The following LRP2 variants were observed in gnomAD, a reference collection of about 807,000 sequenced individuals.
LRP2 encodes LDL receptor related protein 2.
A neutral mutation model predicts 531.0 loss-of-function variants in LRP2; 172 were observed. The observed-to-expected ratio is 0.32, with a 90% CI of 0.29 to 0.37. The LOEUF (loss-of-function observed/expected upper bound fraction) is 0.37. Ranked by LOEUF, LRP2 falls within the 10% of genes least tolerant of loss-of-function variation. The pLI is 1.00. For synonymous variants in LRP2, 1,992 were observed against 2,027.6 expected (o/e 0.98, Z 0.47); for missense variants, 5,167 against 5,868.3 (o/e 0.88, Z 3.90).
intron 76 of LRP2, among the ~76,000 whole-genome samples, chr2:169,135,440 T>C (rs971494836): frequency 6.6e-5 from 10 of 152,222 alleles, no homozygotes; most frequent in African/African-American, 2.4e-4. Context: ...TCTTCCCTTC[T>C]GTCAGACATA....
rs367961184 is a variant in LRP2 at position 169,157,379 on chromosome 2, G to A, written c.12011C>T (p.Ser4004Phe). The change falls in exon 64 of 79, where the codon TCC becomes TTC. Residue 4004 changes from serine (S) to phenylalanine (F), a missense_variant. Physicochemically the swap from Ser to Phe is radical, Grantham distance 155 (BLOSUM62 -2). Coordinates refer to ENST00000649046, the MANE Select transcript of LRP2 (RefSeq NM_004525.3). ...GFETNVFDRT[S>F]CLDINECEQF... is the part of the protein sequence containing the mutation. ...GAAAAAATATACTCTACCTAGACAGGAGGTTCTGTCAAAAACATTGGTTTC... is the reference window on the plus strand; with the variant it reads ...GAAAAAATATACTCTACCTAGACAGAAGGTTCTGTCAAAAACATTGGTTTC... 3.7e-5 allele frequency: 59 copies of A among 1,613,208 alleles called. No individual in the cohort carries two copies. Among genetic ancestry groups the A allele is most frequent in the Non-Finnish European group, 4.7e-5 (56 of 1,179,450 alleles).
chr2:169,247,351 TA>T (rs746824246), intron 20 of LRP2, 26 bp downstream of exon 20: 8 of 1,611,856 alleles, frequency 5.0e-6, no homozygotes, highest in African/African-American at 2.7e-5. Flanking sequence ...TACAAAAAAA[TA>T]AAAAAAACTG....
intron 1 of LRP2, among the ~76,000 whole-genome samples, chr2:169,348,607 C>G (rs1180666844): frequency 6.6e-6 from 1 of 152,216 alleles, no homozygotes; most frequent in Non-Finnish European, 1.5e-5. Context: ...TGACAGTCCA[C>G]TAACACGAAG....
At chr2:169,290,647 T>C (rs1451957529) in intron 8 of LRP2, among the ~76,000 whole-genome samples, 198 bp downstream of exon 8, 2 of 152,082 alleles carry the variant, frequency 1.3e-5, no homozygotes, top group African/African-American at 4.8e-5. Context: ...GACGTGTGAG[T>C]GAGCTGATAC....
At chr2:169,247,864 C>A (rs890163045) in intron 19 of LRP2, among the ~76,000 whole-genome samples, 1 of 152,180 alleles carries the variant, frequency 6.6e-6, no homozygotes, top group Non-Finnish European at 1.5e-5. Flanking sequence ...GGTCTGCACC[C>A]GCTAAAGCAC....
At chr2:169,270,841 A>T (rs1276480297) in intron 16 of LRP2, 63 bp downstream of exon 16, 1 of 1,151,362 alleles carries the variant, frequency 8.7e-7, no homozygotes, top group East Asian at 2.4e-5. Flanking sequence ...AGTTGTAAGT[A>T]TCATTACAAT....
intron 1 of LRP2, among the ~76,000 whole-genome samples, chr2:169,336,263 C>T (rs756796506): frequency 4.6e-5 from 7 of 151,798 alleles, no homozygotes; most frequent in African/African-American, 7.3e-5. Flanking sequence ...TGAGGCCAGG[C>T]GCAGTGGCTC....
intron 1 of LRP2, among the ~76,000 whole-genome samples, chr2:169,352,282 G>A (rs891032062): frequency 1.2e-4 from 19 of 152,202 alleles, no homozygotes; most frequent in African/African-American, 4.3e-4. Flanking sequence ...TATTTAGGGA[G>A]AGGTTCAGGA....
chr2:169,344,069 A>G (rs1685634771), intron 1 of LRP2, among the ~76,000 whole-genome samples: 1 of 152,188 alleles, frequency 6.6e-6, no homozygotes, highest in Non-Finnish European at 1.5e-5. Flanking sequence ...GCAATGGCAT[A>G]TTCAGGGGCA....
At chr2:169,221,183 A>C (rs528519853) in intron 33 of LRP2, among the ~76,000 whole-genome samples, 1 of 152,318 alleles carries the variant, frequency 6.6e-6, no homozygotes, top group Non-Finnish European at 1.5e-5. Context: ...TTACGGGACT[A>C]AGAGATAATA....
chr2:169,239,494 T>C (rs1056593581), intron 26 of LRP2, 33 bp downstream of exon 26: 2 of 1,613,832 alleles, frequency 1.2e-6, no homozygotes, highest in Non-Finnish European at 1.7e-6. Flanking sequence ...TGGGATGTGC[T>C]GATAAACTGG....
At chr2:169,181,341 C>A (rs1687422912) in intron 52 of LRP2, 107 bp downstream of exon 52, 1 of 1,124,702 alleles carries the variant, frequency 8.9e-7, no homozygotes, top group Non-Finnish European at 1.3e-6. Flanking sequence ...TGACTTCCAA[C>A]AGACAGGCCA....
At chr2:169,174,821 T>TTTA (rs1363584586) in intron 55 of LRP2, among the ~76,000 whole-genome samples, 1 of 151,050 alleles carries the variant, frequency 6.6e-6, no homozygotes, top group Admixed American at 6.6e-5. Flanking sequence ...TTTTTTTTTT[T>TTTA]TTTTGCCTTT....
chr2:169,166,215 A>G (rs1686777633), intron 61 of LRP2, among the ~76,000 whole-genome samples, 161 bp from the exon 62 acceptor site: 1 of 152,220 alleles, frequency 6.6e-6, no homozygotes, highest in African/African-American at 2.4e-5. Flanking sequence ...TATAGTACAC[A>G]CCAAGGCACT....
At chr2:169,296,619 GCTAT>G (rs908393111) in intron 4 of LRP2, among the ~76,000 whole-genome samples, 6 of 152,012 alleles carry the variant, frequency 3.9e-5, no homozygotes, top group Non-Finnish European at 7.4e-5. Context: ...CAATAGATAA[GCTAT>G]CTGTCTGGAG....
chr2:169,244,677 C>T lies in LRP2; in HGVS notation c.3430+16G>A, dbSNP rs781722097. 29 of 1,614,190 alleles carry T rather than the reference C, an allele frequency of 1.8e-5. No individual in the cohort carries two copies. The highest frequency in any genetic ancestry group is 2.4e-5 in the Non-Finnish European group (28 of 1,180,042). On this transcript the variant is annotated intron_variant, in intron 22 of 78. Transcript: ENST00000649046. Reference sequence around the variant, plus strand: ...TACGAGGCTGACCAACCAAGGGAAACCAGCTCAAAACTTACTGCAGTTCTT... The same window carrying T: ...TACGAGGCTGACCAACCAAGGGAAATCAGCTCAAAACTTACTGCAGTTCTT...
intron 9 of LRP2, among the ~76,000 whole-genome samples, chr2:169,284,254 T>TC (rs1553508678): frequency 2.5e-4 from 14 of 55,240 alleles, no homozygotes; most frequent in African/African-American, 6.5e-4. Flanking sequence ...TTTCTTTTTT[T>TC]TCTTTTTTTT....
At chr2:169,285,284 A>G (rs1048720000) in intron 9 of LRP2, among the ~76,000 whole-genome samples, 4 of 90,840 alleles carry the variant, frequency 4.4e-5, no homozygotes, top group African/African-American at 1.2e-4. Flanking sequence ...CGACAGTGAG[A>G]CCCTATCACA....
intron 56 of LRP2, 113 bp from the exon 57 acceptor site, chr2:169,173,337 A>T (rs1476575843): frequency 3.8e-6 from 5 of 1,324,606 alleles, no homozygotes; most frequent in Non-Finnish European, 5.3e-6. Flanking sequence ...TACCAAGCAA[A>T]CCGCCTCTGG....
Sources: allele counts gnomAD v4.1 joint callset (sites outside exome capture counted in the v4.1 genomes callset), GRCh38; gene constraint gnomAD v4.1.1; transcripts MANE v1.5; gene names NCBI Gene and HGNC (gene_info 2026-07-23, HGNC 2026-07-21).